KLHL29: variants seen among roughly 807,000 people sequenced by gnomAD.
The protein encoded by KLHL29 is kelch like family member 29, also known as kelch-like protein 29.
A neutral mutation model predicts 80.4 loss-of-function variants in KLHL29; 21 were observed. The observed-to-expected ratio is 0.26, with a 90% confidence interval of 0.19 to 0.38. KLHL29 has a LOEUF of 0.38. KLHL29 is among the 10% of genes least tolerant of loss of function. The pLI is 1.00. For synonymous variants in KLHL29, 511 were observed against 526.8 expected (o/e 0.97, Z 0.41); for missense variants, 867 against 1,223.9 (o/e 0.71, Z 4.35).
At chr2:23,603,626 G>A (rs1283775406) in intron 3 of KLHL29, among the ~76,000 whole-genome samples, 1 of 152,224 alleles carries the variant, frequency 6.6e-6, no homozygotes, top group Non-Finnish European at 1.5e-5. Flanking sequence ...AGGCTGGCCG[G>A]GAAAGCATAC....
chr2:23,408,303 TGA>T (rs1666782245), intron 1 of KLHL29, among the ~76,000 whole-genome samples: 1 of 94,860 alleles, frequency 1.1e-5, no homozygotes, highest in Admixed American at 1.1e-4. Flanking sequence ...AAAAAAAAAT[TGA>T]GTTTTTTTTT....
intron 2 of KLHL29, among the ~76,000 whole-genome samples, chr2:23,542,570 C>T (rs1305758795): frequency 2.0e-5 from 3 of 152,250 alleles, no homozygotes; most frequent in East Asian, 1.9e-4. Context: ...CTGCAAAGCA[C>T]ATGCCATCCT....
At chr2:23,538,243 G>A (rs906941980) in intron 2 of KLHL29, among the ~76,000 whole-genome samples, 15 of 152,130 alleles carry the variant, frequency 9.9e-5, no homozygotes, top group African/African-American at 3.6e-4. Context: ...CCTTCTCAAT[G>A]GATTCTGCAT....
chr2:23,561,723 A>G (rs148532065), intron 2 of KLHL29, among the ~76,000 whole-genome samples: 76 of 152,270 alleles, frequency 5.0e-4, no homozygotes, highest in African/African-American at 1.7e-3. Context: ...TGTCCACTAT[A>G]AAGTGAGTCT....
rs1172591340 is a variant in KLHL29, at chr2:23,503,058, C to A, written c.-46+27391C>A. Among the ~76,000 whole-genome samples the A allele has an allele frequency of 2.0e-5, 3 of 152,100 alleles. No homozygotes were observed. The highest frequency in any genetic ancestry group is 4.4e-5 in the Non-Finnish European group (3 of 68,024). On this transcript the variant is annotated intron_variant, in intron 2 of 13. Coordinates refer to ENST00000486442, the MANE Select transcript of KLHL29 (RefSeq NM_052920.2). This position sits in a 1 kb window ranked among gnomAD's most constrained non-coding sequence, Gnocchi z 4.0. ...TAAGGATTTACATCAGGAAAAATAA[C>A]CTGAGAATAGATGTGTTTTGTTTGA...
At chr2:23,667,108 C>G (rs559201165) in intron 5 of KLHL29, 1 of 152,310 alleles carries the variant, frequency 6.6e-6, no homozygotes, top group African/African-American at 2.4e-5. Flanking sequence ...GTCATTAACC[C>G]GGGCACTCTG....
intron 2 of KLHL29, among the ~76,000 whole-genome samples, chr2:23,478,584 G>C (rs754639026): frequency 7.9e-5 from 12 of 152,206 alleles, no homozygotes; most frequent in Non-Finnish European, 1.6e-4. Context: ...CTGCACTGCA[G>C]GAAAGAGGGG....
chr2:23,454,813 C>T (rs928427565), intron 1 of KLHL29, among the ~76,000 whole-genome samples: 7 of 151,436 alleles, frequency 4.6e-5, no homozygotes, highest in Non-Finnish European at 7.4e-5. Context: ...AAATTTTGTA[C>T]AACAAATATT....
At chr2:23,484,378 A>G (rs930530038) in intron 2 of KLHL29, among the ~76,000 whole-genome samples, 2 of 152,216 alleles carry the variant, frequency 1.3e-5, no homozygotes, top group Non-Finnish European at 2.9e-5. Context: ...TCATTTAGAT[A>G]AAAGTGTCTG....
intron 2 of KLHL29, among the ~76,000 whole-genome samples, chr2:23,478,732 C>A (rs2103440269): frequency 6.6e-6 from 1 of 152,284 alleles, no homozygotes; most frequent in Non-Finnish European, 1.5e-5. Context: ...CCCTGGGCAG[C>A]ATCCCCTGCC....
chr2:23,635,082 ATC>A (rs1245384853), intron 3 of KLHL29, among the ~76,000 whole-genome samples: 2 of 152,210 alleles, frequency 1.3e-5, no homozygotes, highest in Non-Finnish European at 2.9e-5. Flanking sequence ...AGTCCCTGCC[ATC>A]TCTCAAACCT....
chr2:23,394,385 T>A lies in KLHL29; in HGVS notation c.-154+8605T>A, dbSNP rs578167137. 9.2e-5 allele frequency among the ~76,000 whole-genome samples: 14 copies of A among 152,298 alleles called. No individual in the cohort carries two copies. In the South Asian group the frequency reaches 2.5e-3, roughly 27 times the overall value. Reference sequence around the variant, plus strand: ...AAGGCACAGTGGGAAGAGCACTGCCTTTCCTGTGGCATCTCATTTTTGCTC... The same window carrying A: ...AAGGCACAGTGGGAAGAGCACTGCCATTCCTGTGGCATCTCATTTTTGCTC... On this transcript the variant is annotated intron_variant, in intron 1 of 13. Transcript: ENST00000486442.
intron 2 of KLHL29, among the ~76,000 whole-genome samples, chr2:23,497,133 T>C (rs928527643): frequency 6.6e-6 from 1 of 152,148 alleles, no homozygotes; most frequent in African/African-American, 2.4e-5. Context: ...CAGGCAGTGC[T>C]GTTTCTGTTG....
intron 3 of KLHL29, among the ~76,000 whole-genome samples, chr2:23,619,640 A>AC (rs1379424603): frequency 6.6e-6 from 1 of 151,074 alleles, no homozygotes; most frequent in Non-Finnish European, 1.5e-5. Context: ...TTTGGTGAAA[A>AC]ATCAATGTCT....
chr2:23,693,773 G>A (rs976743124), intron 8 of KLHL29, among the ~76,000 whole-genome samples: 1 of 152,226 alleles, frequency 6.6e-6, no homozygotes, highest in Non-Finnish European at 1.5e-5. Flanking sequence ...GCAGGGAGAA[G>A]TGGGTCCCTG....
At chr2:23,625,441 ACAAGCCTTT>A (rs1265276520) in intron 3 of KLHL29, among the ~76,000 whole-genome samples, 6 of 152,240 alleles carry the variant, frequency 3.9e-5, no homozygotes, top group African/African-American at 1.4e-4. Context: ...GATAAATACA[ACAAGCCTTT>A]CAACAGCATT....
At chr2:23,663,145 C>T (rs1670461238) in intron 5 of KLHL29, among the ~76,000 whole-genome samples, 1 of 152,218 alleles carries the variant, frequency 6.6e-6, no homozygotes, top group Non-Finnish European at 1.5e-5. Flanking sequence ...CTCCTCGCTA[C>T]TCCCAGCCCC....
At chr2:23,416,975 T>G (rs1389415396) in intron 1 of KLHL29, among the ~76,000 whole-genome samples, 1 of 152,136 alleles carries the variant, frequency 6.6e-6, no homozygotes, top group Non-Finnish European at 1.5e-5. Flanking sequence ...ATCTCAAGCC[T>G]CTTTTCCCAA....
chr2:23,670,915 G>A (rs1444745216), intron 5 of KLHL29, among the ~76,000 whole-genome samples: 3 of 27,038 alleles, frequency 1.1e-4, no homozygotes, highest in East Asian at 3.1e-3. Flanking sequence ...ACACATGCAC[G>A]CGCTCTCTCT....
Sources: allele counts gnomAD v4.1 joint callset (sites outside exome capture counted in the v4.1 genomes callset), GRCh38; gene constraint gnomAD v4.1.1; non-coding constraint Gnocchi (gnomAD v3.1); transcripts MANE v1.5; gene names NCBI Gene and HGNC (gene_info 2026-07-23, HGNC 2026-07-21).